The following BAZ1A variants were observed in gnomAD, a reference collection of about 807,000 sequenced individuals.
The protein encoded by BAZ1A is bromodomain adjacent to zinc finger domain protein 1A.
Under a neutral mutation model 185.2 loss-of-function variants are expected in BAZ1A, and 50 were observed. That is an observed-to-expected ratio of 0.27 (90% CI 0.22 to 0.34). The LOEUF (loss-of-function observed/expected upper bound fraction) is 0.34, where lower values mean the gene tolerates loss of function less well. BAZ1A is among the 10% of genes least tolerant of loss of function. The pLI is 1.00. For synonymous variants in BAZ1A, 571 were observed against 615.6 expected (o/e 0.93, Z 1.07); for missense variants, 1,356 against 1,839.9 (o/e 0.74, Z 4.81).
At chr14:34,787,073 G>C (rs1880505924) in intron 12 of BAZ1A, among the ~76,000 whole-genome samples, 1 of 152,024 alleles carries the variant, frequency 6.6e-6, no homozygotes, top group Non-Finnish European at 1.5e-5. Context: ...AAATTTTCCA[G>C]GCCAAGTGCG....
At chr14:34,801,587 T>C (rs1274696337) in intron 7 of BAZ1A, among the ~76,000 whole-genome samples, 1 of 152,198 alleles carries the variant, frequency 6.6e-6, no homozygotes, top group Non-Finnish European at 1.5e-5. Flanking sequence ...TGAGCCACTG[T>C]GCCCAGTCTA....
chr14:34,766,011 T>G (rs1000236550), intron 21 of BAZ1A, among the ~76,000 whole-genome samples: 1 of 152,236 alleles, frequency 6.6e-6, no homozygotes, highest in Non-Finnish European at 1.5e-5. Context: ...CCTACTATTA[T>G]TCTCAAATAA....
At position 34,765,070 on chromosome 14, in the gene BAZ1A, T is replaced by C. The variant is rs1457993691; in HGVS notation, c.3500A>G (p.Asp1167Gly). The change falls in exon 22 of 27, where the codon GAT (aspartate) becomes GGT (glycine). Residue 1167 changes from aspartate to glycine, a missense_variant. By Grantham distance (94) the Asp-to-Gly change is moderately conservative. Around this residue, in one of 7 missense-constraint regions of BAZ1A, gnomAD observed 309 missense variants for 355.3 expected, o/e 0.87. Transcript: ENST00000360310. Reference sequence around the variant, plus strand: ...GGTATGATGACCCCTATCACAGCCATCACAAAGAACCATGTTTTCAGCATC... The same window carrying C: ...GGTATGATGACCCCTATCACAGCCACCACAAAGAACCATGTTTTCAGCATC... ...KGDAENMVLC[D>G]GCDRGHHTYC... 4 of 1,614,046 alleles carry C rather than the reference T, an allele frequency of 2.5e-6. No homozygotes were observed. The highest frequency in any genetic ancestry group is 3.4e-6 in the Non-Finnish European group (4 of 1,180,012).
chr14:34,783,533 G>A (rs1880192921), intron 15 of BAZ1A, among the ~76,000 whole-genome samples: 1 of 151,838 alleles, frequency 6.6e-6, no homozygotes, highest in South Asian at 2.1e-4. Context: ...ATGGGATTTG[G>A]CCATGTTGGC....
At chr14:34,850,686 T>G (rs182773630) in intron 3 of BAZ1A, among the ~76,000 whole-genome samples, 3 of 152,338 alleles carry the variant, frequency 2.0e-5, no homozygotes, top group African/African-American at 7.2e-5. Flanking sequence ...AGGGTAGTGC[T>G]GACTCTCCAA....
chr14:34,866,502 A>AAAAAAAAAAAAAAAAAAAAAAAG, intron 2 of BAZ1A, among the ~76,000 whole-genome samples: 3 of 79,536 alleles, frequency 3.8e-5, no homozygotes, highest in Non-Finnish European at 8.5e-5. Flanking sequence ...AAAAAAAAAA[A>AAAAAAAAAAAAAAAAAAAAAAAG]GAAAAAAGTT....
chr14:34,820,779 G>A (rs2138701590), intron 4 of BAZ1A, among the ~76,000 whole-genome samples: 1 of 151,554 alleles, frequency 6.6e-6, no homozygotes, highest in Non-Finnish European at 1.5e-5. Context: ...TTTACATGTA[G>A]ATATCCAGGT....
intron 3 of BAZ1A, among the ~76,000 whole-genome samples, chr14:34,833,099 A>G (rs1404118998): frequency 6.6e-6 from 1 of 152,146 alleles, no homozygotes; most frequent in Non-Finnish European, 1.5e-5. Context: ...AAAATTAGCC[A>G]GGTGTGGTGG....
intron 17 of BAZ1A, 69 bp downstream of exon 17, chr14:34,780,117 G>T: frequency 1.3e-6 from 2 of 1,568,574 alleles, no homozygotes; most frequent in Non-Finnish European, 1.7e-6. Context: ...CAGAGGAGCT[G>T]AATTAATAAA....
chr14:34,841,196 GACTC>G (rs1335945439), intron 3 of BAZ1A, among the ~76,000 whole-genome samples: 1 of 152,100 alleles, frequency 6.6e-6, no homozygotes, highest in Non-Finnish European at 1.5e-5. Context: ...ATTGTTAACT[GACTC>G]ACTAACTGGA....
intron 4 of BAZ1A, among the ~76,000 whole-genome samples, chr14:34,820,876 T>C (rs923446713): frequency 1.3e-5 from 2 of 152,218 alleles, no homozygotes; most frequent in Non-Finnish European, 2.9e-5. Context: ...ATTACATTTA[T>C]GTGGGTCTAT....
Position 34,810,941 on chromosome 14 carries a change from T to A in BAZ1A, c.632A>T (p.Gln211Leu). 6.3e-7 allele frequency: 1 copy of A among 1,598,690 alleles called. No homozygotes were observed. The highest frequency in any genetic ancestry group is 8.6e-7 in the Non-Finnish European group (1 of 1,168,260). The change falls in exon 5 of 27, where the codon CAA becomes CTA. Residue 211 changes from glutamine (Q) to leucine (L), a missense_variant. Physicochemically the swap from Gln to Leu is moderately radical, Grantham distance 113. Coordinates refer to ENST00000360310, the MANE Select transcript of BAZ1A (RefSeq NM_013448.3). ...LHESAIVKAT[Q>L]ISRRKHLFSR... ...AGAAGATAGTGAGTTTTACCTGATT[T>A]GTGTTGCTTTAACAATAGCAGACTC...
intron 3 of BAZ1A, among the ~76,000 whole-genome samples, chr14:34,833,928 A>G (rs763336845): frequency 4.6e-5 from 7 of 152,192 alleles, no homozygotes; most frequent in Admixed American, 6.5e-5. Context: ...GCTTGAGAAG[A>G]GGCTCAATTA....
intron 3 of BAZ1A, among the ~76,000 whole-genome samples, chr14:34,836,984 G>C (rs2042340757): frequency 6.6e-6 from 1 of 151,860 alleles, no homozygotes; most frequent in Admixed American, 6.6e-5. Flanking sequence ...TGCTGCCCAG[G>C]CTGGCCTCAA....
intron 17 of BAZ1A, among the ~76,000 whole-genome samples, chr14:34,776,950 T>C (rs1879664750): frequency 2.0e-5 from 3 of 152,224 alleles, no homozygotes. Flanking sequence ...CAGTCTGTGG[T>C]ATTTCGTTAT....
intron 4 of BAZ1A, among the ~76,000 whole-genome samples, chr14:34,820,320 G>A (rs2138700572): frequency 6.6e-6 from 1 of 151,922 alleles, no homozygotes; most frequent in African/African-American, 2.4e-5. Flanking sequence ...TTGTAGAGAT[G>A]GGGGTTTCAC....
intron 3 of BAZ1A, among the ~76,000 whole-genome samples, chr14:34,860,681 T>C (rs2042755643): frequency 6.6e-6 from 1 of 151,794 alleles, no homozygotes; most frequent in African/African-American, 2.4e-5. Flanking sequence ...CCAAGGTGGG[T>C]GGATCACCTG....
chr14:34,828,293 C>CA (rs369878009), intron 3 of BAZ1A, among the ~76,000 whole-genome samples: 26,178 of 83,380 alleles, frequency 0.31, 4,428 homozygotes, highest in Non-Finnish European at 0.39. Flanking sequence ...AACTCCGTCT[C>CA]AAAAAAAAAA....
chr14:34,829,044 T>C (rs555914665), intron 3 of BAZ1A, among the ~76,000 whole-genome samples: 19 of 152,268 alleles, frequency 1.2e-4, no homozygotes, highest in African/African-American at 4.6e-4. Context: ...GGCGGATCAA[T>C]TGCTTGAGGC....
Sources: allele counts gnomAD v4.1 joint callset (sites outside exome capture counted in the v4.1 genomes callset), GRCh38; gene constraint gnomAD v4.1.1; regional missense constraint gnomAD v4.1.1; transcripts MANE v1.5; gene names NCBI Gene and HGNC (gene_info 2026-07-23, HGNC 2026-07-21).